TBCD: variants seen among roughly 807,000 people sequenced by gnomAD.
The protein encoded by TBCD is tubulin-specific chaperone D.
Under a neutral mutation model 169.3 loss-of-function variants are expected in TBCD, and 105 were observed. The ratio of observed to expected loss-of-function variants is 0.62; its 90% CI spans 0.53 to 0.73. The LOEUF is 0.73. TBCD is among the 30% of genes least tolerant of loss of function. TBCD has a pLI of 0.00. For synonymous variants in TBCD, 700 were observed against 643.9 expected (o/e 1.09, Z -1.32); for missense variants, 1,444 against 1,600.1 (o/e 0.90, Z 1.66).
In TBCD at chr17:82,939,398, A is replaced by C; in HGVS notation, c.3401A>C (p.Glu1134Ala). 1 of 1,613,348 alleles carries C rather than the reference A, an allele frequency of 6.2e-7. No individual in the cohort carries two copies. The highest frequency in any genetic ancestry group is 2.2e-5 in the East Asian group (1 of 44,884). ...AAGACCACGGCCAGCCAGGTGTACG[A>C]GACATTGCTCACCTACAGTGACGTC... ...IRKTTASQVY[E>A]TLLTYSDVVG... The change falls in exon 37 of 39, where the codon GAG becomes GCG. Residue 1134 changes from glutamate (E) to alanine (A), a missense_variant. Physicochemically the swap from Glu to Ala is moderately radical, Grantham distance 107. Transcript: ENST00000355528.
At chr17:82,907,150 G>A (rs574850092) in intron 20 of TBCD, among the ~76,000 whole-genome samples, 3 of 152,354 alleles carry the variant, frequency 2.0e-5, no homozygotes, top group Non-Finnish European at 2.9e-5. Context: ...TAAAGCACAC[G>A]GTTTGCGCAG....
chr17:82,867,582 A>G (rs1007081781), intron 13 of TBCD, among the ~76,000 whole-genome samples: 83 of 152,378 alleles, frequency 5.4e-4, no homozygotes, highest in African/African-American at 1.9e-3. Flanking sequence ...GAGAAGGCTC[A>G]GAGTGGACTT....
intron 6 of TBCD, among the ~76,000 whole-genome samples, chr17:82,773,029 G>C (rs2144118780): frequency 6.6e-6 from 1 of 152,338 alleles, no homozygotes; most frequent in Non-Finnish European, 1.5e-5. Context: ...GAGCGAACCT[G>C]TTTCATGAGA....
chr17:82,772,430 T>A (rs913563836), intron 5 of TBCD, 22 bp from the exon 6 acceptor site: 1 of 1,613,790 alleles, frequency 6.2e-7, no homozygotes. Context: ...TGACCGTGTC[T>A]GTGCTTCACC....
chr17:82,908,892 A>C (rs1056742333), intron 21 of TBCD, among the ~76,000 whole-genome samples: 2 of 152,288 alleles, frequency 1.3e-5, no homozygotes, highest in African/African-American at 4.8e-5. Flanking sequence ...TGTAGTGGCC[A>C]TCACAACGTG....
rs2062139636 is a variant in TBCD at position 82,930,850 on chromosome 17, C to G, written c.3113+207C>G. ...GGCCAGGCCTCAGCCCCTGCGCCTCCTCTTCTAGCCTCCACATGAGGCAGG... is the reference window on the plus strand; with the variant it reads ...GGCCAGGCCTCAGCCCCTGCGCCTCGTCTTCTAGCCTCCACATGAGGCAGG... On this transcript the variant is annotated intron_variant, in intron 33 of 38. Coordinates refer to ENST00000355528, the MANE Select transcript of TBCD (RefSeq NM_005993.5). This position sits in a 1 kb window ranked among gnomAD's most constrained non-coding sequence, Gnocchi z 5.2. 6.6e-6 allele frequency among the ~76,000 whole-genome samples: 1 copy of G among 152,210 alleles called. No homozygotes were observed. Among genetic ancestry groups the G allele is most frequent in the Admixed American group, 6.5e-5 (1 of 15,288 alleles).
chr17:82,850,316 C>CTGTTGGCTGTCCTGT (rs2055650600), intron 13 of TBCD, among the ~76,000 whole-genome samples: 1 of 80,044 alleles, frequency 1.2e-5, no homozygotes, highest in Non-Finnish European at 2.6e-5. Context: ...TGCTCTTCTG[C>CTGTTGGCTGTCCTGT]TGTTGGCTGT....
chr17:82,934,466 A>G (rs2062456054), intron 34 of TBCD, among the ~76,000 whole-genome samples: 1 of 152,002 alleles, frequency 6.6e-6, no homozygotes, highest in South Asian at 2.1e-4. Flanking sequence ...ACAATGCTAA[A>G]TACTCCATTT....
intron 2 of TBCD, 109 bp downstream of exon 2, chr17:82,756,324 A>G (rs2047399045): frequency 8.6e-7 from 1 of 1,156,258 alleles, no homozygotes; most frequent in Non-Finnish European, 1.3e-6. Context: ...AATGCCAAGA[A>G]GTGTCCCTGT....
intron 13 of TBCD, among the ~76,000 whole-genome samples, chr17:82,846,312 CGTCCAGCGTGCCGT>C (rs2055087648): frequency 4.4e-5 from 5 of 113,710 alleles, no homozygotes; most frequent in Non-Finnish European, 8.4e-5. Flanking sequence ...CCACGTGCTG[CGTCCAGCGTGCCGT>C]GTCCTCTCGT....
At chr17:82,910,050 C>T (rs1831198182) in intron 22 of TBCD, among the ~76,000 whole-genome samples, 1 of 152,272 alleles carries the variant, frequency 6.6e-6, no homozygotes, top group African/African-American at 2.4e-5. Context: ...GTGTTATCCA[C>T]TCACCAGCCC....
rs776263946 is a variant in TBCD, at chr17:82,909,287, C to G, written c.1986C>G (p.Leu662=). The part of the protein sequence containing the change: ...VQGLKQIHQQ[L]YDRQLYRGLG... ...AACTTTCAGTTTTTTATTTTCAGCT[C>G]TATGATCGTCAGTTATACAGGTGAG... Residue 662 remains leucine, a splice_region_variant and synonymous_variant, in exon 22 of 39, where the codon CTC becomes CTG. Coordinates refer to ENST00000355528, the MANE Select transcript of TBCD (RefSeq NM_005993.5). The G allele has an allele frequency of 6.6e-7, 1 of 1,519,732 alleles. No homozygotes were observed. The highest frequency in any genetic ancestry group is 1.2e-5 in the South Asian group (1 of 81,946). 94.1% of individuals were successfully genotyped at this position (1,519,732 alleles called of 1,614,324 possible). A position where few individuals can be genotyped will look rare whatever the true frequency, so the allele number is the denominator to read the frequency against.
rs2048999780 is a variant in TBCD at position 82,782,315 on chromosome 17, C to G, written c.771+594C>G. The stretch of plus-strand genomic sequence containing the variant: ...GGCAAAGCCTCTTTTGGGTCAGCGT[C>G]CTGGAGGCTGCAGCTCCCTGGTCAG... On this transcript the variant is annotated intron_variant, in intron 7 of 38. Transcript: ENST00000355528. This position sits in a 1 kb window ranked among gnomAD's most constrained non-coding sequence, Gnocchi z 5.1. Among the ~76,000 whole-genome samples the G allele has an allele frequency of 6.6e-6, 1 of 152,174 alleles. No homozygotes were observed. The highest frequency in any genetic ancestry group is 2.4e-5 in the African/African-American group (1 of 41,444).
intron 13 of TBCD, among the ~76,000 whole-genome samples, chr17:82,865,762 G>A (rs1408405851): frequency 6.6e-6 from 1 of 152,238 alleles, no homozygotes; most frequent in Non-Finnish European, 1.5e-5. Flanking sequence ...TACCTTTTGT[G>A]CAGAGAATGC....
intron 28 of TBCD, 47 bp from the exon 29 acceptor site, chr17:82,927,139 G>A: frequency 9.9e-6 from 16 of 1,610,924 alleles, no homozygotes; most frequent in Non-Finnish European, 1.3e-5. Context: ...TGTGGAAGAT[G>A]AGGCTCACCG....
intron 6 of TBCD, among the ~76,000 whole-genome samples, chr17:82,778,692 C>T (rs533480582): frequency 8.7e-4 from 130 of 149,880 alleles, no homozygotes; most frequent in African/African-American, 2.7e-3. Context: ...AGTGCAGTGG[C>T]GTGATTTTGG....
At chr17:82,893,726 A>C in intron 17 of TBCD, 94 bp downstream of exon 17, 1 of 876,948 alleles carries the variant, frequency 1.1e-6, no homozygotes, top group Admixed American at 2.8e-5. Flanking sequence ...TTCATCCTGT[A>C]ATGTCCACTC....
intron 13 of TBCD, among the ~76,000 whole-genome samples, chr17:82,863,880 G>T (rs1268011884): frequency 1.3e-5 from 2 of 152,194 alleles, no homozygotes; most frequent in Admixed American, 1.3e-4. Flanking sequence ...GTCCTGTCTG[G>T]TTTTCACGTG....
intron 26 of TBCD, among the ~76,000 whole-genome samples, chr17:82,924,587 C>A: frequency 6.6e-6 from 1 of 152,164 alleles, no homozygotes; most frequent in Non-Finnish European, 1.5e-5. Flanking sequence ...GTGTGAATCA[C>A]CACTTAAAAT....
Sources: allele counts gnomAD v4.1 joint callset (sites outside exome capture counted in the v4.1 genomes callset), GRCh38; gene constraint gnomAD v4.1.1; non-coding constraint Gnocchi (gnomAD v3.1); transcripts MANE v1.5; gene names NCBI Gene and HGNC (gene_info 2026-07-23, HGNC 2026-07-21).